SCYL2: variants seen among roughly 807,000 people sequenced by gnomAD.
SCYL2 encodes the protein SCY1-like protein 2.
SCYL2 carries 36 observed loss-of-function variants against 100.4 expected under a neutral mutation model. That is an observed-to-expected ratio of 0.36 (90% CI 0.27 to 0.47). SCYL2 has a LOEUF of 0.47. SCYL2 is among the 20% of genes least tolerant of loss of function. The probability of loss-of-function intolerance (pLI) is 1.00; values close to 1 mark genes in which losing one functional copy is unlikely to be tolerated. For missense variants in SCYL2, 902 were observed against 1,083.9 expected (o/e 0.83, Z 2.36); for synonymous variants, 330 against 359.2 (o/e 0.92, Z 0.92).
intron 10 of SCYL2, among the ~76,000 whole-genome samples, chr12:100,321,936 G>A (rs1346027344): frequency 1.3e-5 from 2 of 151,324 alleles, no homozygotes; most frequent in Non-Finnish European, 2.9e-5. Context: ...TGTAGTGCCA[G>A]CTACTTGGGA....
At chr12:100,325,308 G>A (rs2096360487) in intron 11 of SCYL2, among the ~76,000 whole-genome samples, 1 of 152,194 alleles carries the variant, frequency 6.6e-6, no homozygotes, top group African/African-American at 2.4e-5. Context: ...ATACTTAAAT[G>A]ATGTGAATTG....
intron 1 of SCYL2, among the ~76,000 whole-genome samples, chr12:100,271,234 A>G (rs2096287263): frequency 6.8e-6 from 1 of 146,984 alleles, no homozygotes; most frequent in South Asian, 2.1e-4. Context: ...CTGGCCTTAA[A>G]GTTAGCCCTG....
rs147006332 is a variant in SCYL2, at chr12:100,282,772, G to A, written c.-28-171G>A. On this transcript the variant is annotated intron_variant, in intron 1 of 17. Coordinates refer to ENST00000360820, the MANE Select transcript of SCYL2 (RefSeq NM_017988.6). ...CAGTTTGATTTCTGGACTTAAATTT[G>A]TACTAAAGTGTATTGGGTTCTCTGA... is the stretch of plus-strand genomic sequence containing the variant. 4.8e-3 allele frequency among the ~76,000 whole-genome samples: 732 copies of A among 152,236 alleles called. 7 individuals are homozygous for A. Among genetic ancestry groups the A allele is most frequent in the Middle Eastern group, 0.02 (6 of 294 alleles).
chr12:100,296,436 A>G (rs2096320641), intron 3 of SCYL2, among the ~76,000 whole-genome samples: 1 of 152,196 alleles, frequency 6.6e-6, no homozygotes, highest in African/African-American at 2.4e-5. Flanking sequence ...GAGTAAAAGG[A>G]GCAGAGTACT....
chr12:100,311,225 G>A (rs777084932), intron 5 of SCYL2, 32 bp downstream of exon 5: 1 of 1,567,846 alleles, frequency 6.4e-7, no homozygotes, highest in South Asian at 1.2e-5. Context: ...TAATTTTTGA[G>A]GCCAGGGAAA....
chr12:100,336,188 T>G (rs921153285), intron 16 of SCYL2, among the ~76,000 whole-genome samples: 5 of 152,150 alleles, frequency 3.3e-5, no homozygotes, highest in Non-Finnish European at 7.4e-5. Flanking sequence ...GTCACACCCC[T>G]TGGTGAATCC....
At chr12:100,309,106 T>TTGTG (rs143410251) in intron 4 of SCYL2, among the ~76,000 whole-genome samples, 1,871 of 148,130 alleles carry the variant, frequency 0.013, 29 homozygotes, top group African/African-American at 0.031. Context: ...GTATTTTGAT[T>TTGTG]TGTGTGTGTG....
At chr12:100,309,978 A>G (rs2096340168) in intron 4 of SCYL2, among the ~76,000 whole-genome samples, 1 of 150,170 alleles carries the variant, frequency 6.7e-6, no homozygotes, top group Non-Finnish European at 1.5e-5. Flanking sequence ...AAAGATGTGG[A>G]TTTTCTTTTT....
At chr12:100,337,599 T>C in intron 17 of SCYL2, 93 bp downstream of exon 17, 2 of 1,221,708 alleles carry the variant, frequency 1.6e-6, no homozygotes, top group South Asian at 1.3e-5. Context: ...TGTATAAAAA[T>C]ATATCTCAAA....
chr12:100,278,960 T>C (rs2096295387), intron 1 of SCYL2, among the ~76,000 whole-genome samples: 2 of 152,274 alleles, frequency 1.3e-5, no homozygotes, highest in Non-Finnish European at 2.9e-5. Context: ...TGTTCTTATA[T>C]GTAATTTACT....
chr12:100,314,962 C>A (rs903599232), intron 8 of SCYL2, among the ~76,000 whole-genome samples: 1 of 152,284 alleles, frequency 6.6e-6, no homozygotes, highest in Non-Finnish European at 1.5e-5. Context: ...TACTCCTTTT[C>A]TGACTTATTA....
At chr12:100,337,853 T>C (rs1952299189) in intron 17 of SCYL2, among the ~76,000 whole-genome samples, 1 of 152,222 alleles carries the variant, frequency 6.6e-6, no homozygotes. Context: ...AGTTATTTTC[T>C]GTGTTTGACT....
intron 4 of SCYL2, among the ~76,000 whole-genome samples, chr12:100,308,268 A>C (rs1235538988): frequency 1.3e-5 from 2 of 152,236 alleles, no homozygotes; most frequent in Non-Finnish European, 2.9e-5. Context: ...TTGGATAAAG[A>C]AAATGTGGCA....
At chr12:100,308,493 G>A (rs2096337598) in intron 4 of SCYL2, among the ~76,000 whole-genome samples, 1 of 152,094 alleles carries the variant, frequency 6.6e-6, no homozygotes, top group Non-Finnish European at 1.5e-5. Flanking sequence ...GTCCGGGGGT[G>A]GGGGACTAGG....
At chr12:100,312,333 C>T in intron 5 of SCYL2, 99 bp from the exon 6 acceptor site, 1 of 906,504 alleles carries the variant, frequency 1.1e-6, no homozygotes, top group Non-Finnish European at 1.7e-6. Flanking sequence ...GGCATTTTTA[C>T]TTGCATGACC....
At chr12:100,293,422 T>C (rs1010744584) in intron 3 of SCYL2, among the ~76,000 whole-genome samples, 5 of 152,224 alleles carry the variant, frequency 3.3e-5, no homozygotes, top group African/African-American at 1.2e-4. Flanking sequence ...ACTCTGTATT[T>C]GTTGGTGCTA....
intron 1 of SCYL2, among the ~76,000 whole-genome samples, chr12:100,281,833 CAA>C (rs550669839): frequency 2.9e-4 from 17 of 59,328 alleles, no homozygotes; most frequent in Admixed American, 3.9e-4. Context: ...GACTCCGTCT[CAA>C]AAAAAAAAAA....
chr12:100,332,380 T>A (rs1373441451), intron 13 of SCYL2, among the ~76,000 whole-genome samples: 1 of 152,216 alleles, frequency 6.6e-6, no homozygotes. Flanking sequence ...TAGGAACCTT[T>A]CTGAAATCTG....
intron 4 of SCYL2, among the ~76,000 whole-genome samples, chr12:100,298,870 C>T (rs2096324155): frequency 6.6e-6 from 1 of 152,218 alleles, no homozygotes; most frequent in South Asian, 2.1e-4. Context: ...GAGTGAGCCA[C>T]CACGCCTGGC....
Sources: allele counts gnomAD v4.1 joint callset (sites outside exome capture counted in the v4.1 genomes callset), GRCh38; gene constraint gnomAD v4.1.1; transcripts MANE v1.5; gene names NCBI Gene and HGNC (gene_info 2026-07-23, HGNC 2026-07-21).